Variants in COL5A3 observed in about 807,000 individuals in gnomAD.
COL5A3 encodes collagen alpha-3(V) chain.
COL5A3 carries 172 observed loss-of-function variants against 250.0 expected under a neutral mutation model. That is an observed-to-expected ratio of 0.69 (90% CI 0.61 to 0.78). The LOEUF is 0.78. Ranked by LOEUF, COL5A3 falls within the 30% of genes least tolerant of loss-of-function variation. The pLI is 0.00. For synonymous variants in COL5A3, 937 were observed against 900.4 expected (o/e 1.04, Z -0.73); for missense variants, 2,340 against 2,334.4 (o/e 1.00, Z -0.05).
chr19:9,990,166 G>A (rs2087165101), intron 24 of COL5A3, among the ~76,000 whole-genome samples: 1 of 151,742 alleles, frequency 6.6e-6, no homozygotes. Flanking sequence ...GGCCGAGGAG[G>A]GTGGATCACC....
At chr19:9,981,238 A>G in intron 32 of COL5A3, 106 bp from the exon 33 acceptor site, 3 of 963,028 alleles carry the variant, frequency 3.1e-6, no homozygotes, top group Non-Finnish European at 3.3e-6. Flanking sequence ...TGTCTGCCAC[A>G]TATTTATTCA....
At position 10,006,041 on chromosome 19, in the gene COL5A3, G is replaced by C. The variant is rs1456175385; in HGVS notation, c.247+32C>G. On this transcript the variant is annotated intron_variant, in intron 2 of 66. Coordinates refer to ENST00000264828, the MANE Select transcript of COL5A3 (RefSeq NM_015719.4). The stretch of plus-strand genomic sequence containing the variant: ...GAGGGCCCAGCAGTGCCTCCCTCCG[G>C]GGAGGTACCCAGGCCTCCTACTCCA... 1.2e-5 allele frequency: 20 copies of C among 1,611,704 alleles called. No individual in the cohort carries two copies. In the Admixed American group the frequency reaches 3.3e-4, roughly 27 times the overall value.
chr19:9,992,721 G>A (rs1175534879), intron 21 of COL5A3, 106 bp downstream of exon 21: 1 of 1,124,958 alleles, frequency 8.9e-7, no homozygotes, highest in Non-Finnish European at 1.3e-6. Context: ...AGGTTGCAGA[G>A]AGCTGAGATC....
rs1485899115 is a variant in COL5A3 at position 10,001,653 on chromosome 19, G to C, written c.981C>G (p.Asp327Glu). Residue 327 changes from aspartate to glutamate, a missense_variant, in exon 8 of 67, where the codon GAC (aspartate) becomes GAG (glutamate). By Grantham distance (45) the Asp-to-Glu change is conservative. Around this residue, in one of 3 missense-constraint regions of COL5A3, gnomAD observed 1,152 missense variants for 1,146.3 expected, o/e 1.00. Transcript: ENST00000264828. ...ATILERSLDP[D>E]SGTELGTLET... ...CCAGGGTCCCCAGCTCGGTTCCACT[G>C]TCAGGGTCCAAGCTCCTCTGAGAAC... The C allele has an allele frequency of 2.5e-6, 4 of 1,614,030 alleles. No individual in the cohort carries two copies. Among genetic ancestry groups the C allele is most frequent in the South Asian group, 2.2e-5 (2 of 91,070 alleles).
chr19:9,967,305 C>A (rs1459886494), intron 62 of COL5A3, 42 bp downstream of exon 62: 1 of 1,376,988 alleles, frequency 7.3e-7, no homozygotes, highest in Non-Finnish European at 9.4e-7. Flanking sequence ...TGCTCTCCCC[C>A]CAGGTTTTGG....
intron 6 of COL5A3, among the ~76,000 whole-genome samples, chr19:10,002,469 C>CA (rs2087378993): frequency 6.6e-6 from 1 of 150,470 alleles, no homozygotes. Flanking sequence ...AAGGACCCCC[C>CA]AACCCAGTGA....
At chr19:10,010,269 T>A in intron 1 of COL5A3, 29 bp downstream of exon 1, 1 of 1,320,590 alleles carries the variant, frequency 7.6e-7, no homozygotes, top group Non-Finnish European at 9.9e-7. Context: ...TCGTGGACCC[T>A]GGGTCCCATC....
In COL5A3 at chr19:9,973,654, G is replaced by C. The variant is rs776573089; in HGVS notation, c.3613-31C>G. 3.7e-6 allele frequency: 6 copies of C among 1,611,610 alleles called. No homozygotes were observed. The East Asian group carries it at 1.3e-4, about 36-fold the overall frequency. On this transcript the variant is annotated intron_variant, in intron 49 of 66. Coordinates refer to ENST00000264828, the MANE Select transcript of COL5A3 (RefSeq NM_015719.4). Reference sequence around the variant, plus strand: ...GGAGGCAAAGTGAGAGTGGGGAGAGGTCCCATCCTAGCAGACAGGGAGGGG... The same window carrying C: ...GGAGGCAAAGTGAGAGTGGGGAGAGCTCCCATCCTAGCAGACAGGGAGGGG...
intron 64 of COL5A3, 34 bp downstream of exon 64, chr19:9,966,280 C>T: frequency 6.5e-7 from 1 of 1,537,378 alleles, no homozygotes; most frequent in Non-Finnish European, 9.0e-7. Context: ...ACAGCACTTC[C>T]TGGGGGAGGC....
chr19:9,979,267 TG>T, intron 38 of COL5A3, 28 bp from the exon 39 acceptor site: 2 of 1,602,790 alleles, frequency 1.2e-6, no homozygotes, highest in South Asian at 1.1e-5. Flanking sequence ...TCCTGTTGAG[TG>T]GGGGTGGCCT....
intron 65 of COL5A3, among the ~76,000 whole-genome samples, chr19:9,961,420 A>G (rs2086670551): frequency 6.6e-6 from 1 of 151,694 alleles, no homozygotes; most frequent in Non-Finnish European, 1.5e-5. Flanking sequence ...GTTGGGGTGC[A>G]CTGGCACAAT....
intron 38 of COL5A3, 42 bp from the exon 39 acceptor site, chr19:9,979,281 G>A (rs768395609): frequency 4.4e-6 from 7 of 1,603,066 alleles, no homozygotes; most frequent in Admixed American, 1.7e-5. Flanking sequence ...GGTGGCCTAG[G>A]GGAGTCGCTC....
chr19:9,987,393 A>G (rs2087115059), intron 27 of COL5A3, among the ~76,000 whole-genome samples: 1 of 152,148 alleles, frequency 6.6e-6, no homozygotes, highest in Admixed American at 6.6e-5. Context: ...ACTACAACAT[A>G]GGGGTTGGCT....
Position 9,968,404 on chromosome 19 carries a change from G to A in COL5A3, c.4295C>T (p.Pro1432Leu). Residue 1432 changes from proline to leucine, a missense_variant, in exon 59 of 67, where the codon CCT (proline) becomes CTT (leucine). By Grantham distance (98) the Pro-to-Leu change is moderately conservative. Transcript: ENST00000264828. The surrounding 1 kb of genome is among the most constrained non-coding windows in gnomAD (Gnocchi z 4.1). The part of the protein sequence containing the change: ...DQGLPGVQGP[P>L]GPKGDPGPPG... ...ACTCACAGGGTCTCCCTTGGGACCA[G>A]GGGGTCCCTGCACGCCTGGCAACCC... The A allele has an allele frequency of 6.3e-7, 1 of 1,591,558 alleles. No homozygotes were observed. Among genetic ancestry groups the A allele is most frequent in the Non-Finnish European group, 8.5e-7 (1 of 1,174,054 alleles).
Position 9,960,383 on chromosome 19 carries a change from C to T in COL5A3, c.*28G>A, listed in dbSNP as rs368612762. ...CAAATGCACCCCATTCTGGGGCTCC[C>T]TCATGGTCCCTCCCACCCCGGACAC... On this transcript the variant is annotated 3_prime_UTR_variant, in exon 67 of 67. Coordinates refer to ENST00000264828, the MANE Select transcript of COL5A3 (RefSeq NM_015719.4). 3.3e-5 allele frequency: 54 copies of T among 1,613,500 alleles called. No individual in the cohort carries two copies. Among genetic ancestry groups the T allele is most frequent in the Non-Finnish European group, 4.5e-5 (53 of 1,179,806 alleles).
chr19:9,977,210 A>C lies in COL5A3; in HGVS notation c.3288+19T>G. On this transcript the variant is annotated intron_variant, in intron 44 of 66. Coordinates refer to ENST00000264828, the MANE Select transcript of COL5A3 (RefSeq NM_015719.4). ...TCCGCTACCCACCCCACCCTGCCCC[A>C]CTGGGGACCTTCACTCACCGCGTCT... is the stretch of plus-strand genomic sequence containing the variant. The C allele has an allele frequency of 1.9e-6, 3 of 1,588,792 alleles. No individual in the cohort carries two copies. The highest frequency in any genetic ancestry group is 2.6e-6 in the Non-Finnish European group (3 of 1,157,728).
At chr19:9,964,045 C>T (rs2086706804) in intron 64 of COL5A3, among the ~76,000 whole-genome samples, 1 of 152,052 alleles carries the variant, frequency 6.6e-6, no homozygotes, top group South Asian at 2.1e-4. Context: ...TGGTGACAGG[C>T]ACCTGTAATC....
chr19:10,005,602 G>A lies in COL5A3; in HGVS notation c.550C>T (p.Leu184Phe), dbSNP rs2087429987. The change falls in exon 4 of 67, where the codon CTC becomes TTC. Residue 184 changes from leucine to phenylalanine, a missense_variant. This residue lies in a region of COL5A3 where 1,152 missense variants were observed against 1,146.3 expected (regional missense o/e 1.00). Transcript: ENST00000264828. The part of the protein sequence containing the change: ...HGPRFISIAG[L>F]TVLGTQDLGE... Reference sequence around the variant, plus strand: ...AGGTCCTGGGTCCCCAGCACAGTGAGTCCAGCTATGCTGATGAAGCGGGGG... The same window carrying A: ...AGGTCCTGGGTCCCCAGCACAGTGAATCCAGCTATGCTGATGAAGCGGGGG... 2 of 1,614,204 alleles carry A rather than the reference G, an allele frequency of 1.2e-6. No individual in the cohort carries two copies. The highest frequency in any genetic ancestry group is 8.5e-7 in the Non-Finnish European group (1 of 1,180,016).
At chr19:9,979,525 C>T in intron 37 of COL5A3, 108 bp from the exon 38 acceptor site, 1 of 1,220,888 alleles carries the variant, frequency 8.2e-7, no homozygotes, top group East Asian at 2.3e-5. Flanking sequence ...TCCGGTGGCT[C>T]ACGCCTGTAA....
Sources: gnomAD v4.1 joint callset for allele counts (sites outside exome capture counted in the v4.1 genomes callset) on GRCh38, gnomAD v4.1.1 for gene constraint, gnomAD v4.1.1 regional missense constraint, Gnocchi (gnomAD v3.1) non-coding constraint, MANE v1.5 for transcripts, NCBI Gene and HGNC (gene_info 2026-07-23, HGNC 2026-07-21) for gene names.